Variants in KNG1 observed in about 807,000 individuals in gnomAD.
The protein encoded by KNG1 is kininogen 1.
A neutral mutation model predicts 47.8 loss-of-function variants in KNG1; 23 were observed. The ratio of observed to expected loss-of-function variants is 0.48; its 90% CI spans 0.35 to 0.68. The LOEUF is 0.68. Ranked by LOEUF, KNG1 falls within the 30% of genes least tolerant of loss-of-function variation. The probability of loss-of-function intolerance (pLI) is 0.01; values close to 1 mark genes in which losing one functional copy is unlikely to be tolerated. For synonymous variants in KNG1, 277 were observed against 277.0 expected (o/e 1.00, Z 0.00); for missense variants, 762 against 790.2 (o/e 0.96, Z 0.43).
chr3:186,731,714 T>C, intron 6 of KNG1, 85 bp downstream of exon 6: 1 of 851,122 alleles, frequency 1.2e-6, no homozygotes, highest in Non-Finnish European at 2.0e-6. Context: ...AGTTGGGTTT[T>C]GGTTCCCGTG....
rs779459366 is a variant in KNG1, at chr3:186,717,527, G to A, written c.-16G>A. Reference sequence around the variant, plus strand: ...GTGAAACCATCCCTCAGCTCCTAGAGGGAGATTGTTAGATCATGAAACTAA... The same window carrying A: ...GTGAAACCATCCCTCAGCTCCTAGAAGGAGATTGTTAGATCATGAAACTAA... On this transcript the variant is annotated 5_prime_UTR_variant, in exon 1 of 10. Coordinates refer to ENST00000644859, the MANE Select transcript of KNG1 (RefSeq NM_001102416.3). The A allele has an allele frequency of 1.9e-6, 3 of 1,590,460 alleles. No homozygotes were observed. Among genetic ancestry groups the A allele is most frequent in the Admixed American group, 1.7e-5 (1 of 59,960 alleles).
At chr3:186,725,050 G>C (rs759734487) in intron 3 of KNG1, 38 bp from the exon 4 acceptor site, 5 of 1,610,518 alleles carry the variant, frequency 3.1e-6, no homozygotes, top group Non-Finnish European at 4.2e-6. Context: ...TGCTGATTGC[G>C]ATCATTAATG....
chr3:186,728,215 C>G lies in KNG1; in HGVS notation c.672+871C>G, dbSNP rs1010101971. ...TAGTAGCTAGCGAATGTTAAGATGG[C>G]GAAGACATGATATGTGCCCAGGGAT... On this transcript the variant is annotated intron_variant, in intron 5 of 9. Coordinates refer to ENST00000644859, the MANE Select transcript of KNG1 (RefSeq NM_001102416.3). 3 of 151,930 alleles carry G rather than the reference C, an allele frequency of 2.0e-5. No homozygotes were observed. In the South Asian group the frequency reaches 6.2e-4, roughly 32 times the overall value. The allele number at this position is 151,930 out of a possible 1,614,324, so 9.4% of individuals were successfully genotyped here. A position where few individuals can be genotyped will look rare whatever the true frequency, so the allele number is the denominator to read the frequency against.
chr3:186,733,079 C>G (rs1720580031), intron 7 of KNG1, among the ~76,000 whole-genome samples: 1 of 152,074 alleles, frequency 6.6e-6, no homozygotes, highest in African/African-American at 2.4e-5. Flanking sequence ...AACCCTGTCT[C>G]TACTAAAAAT....
chr3:186,738,423 C>A (rs1720720298), intron 7 of KNG1: 1 of 152,184 alleles, frequency 6.6e-6, no homozygotes, highest in Non-Finnish European at 1.5e-5. Flanking sequence ...GACAATAAGG[C>A]ATATTTAAAA....
intron 4 of KNG1, among the ~76,000 whole-genome samples, chr3:186,725,543 A>ATTTTTTTTTCTTTTTT (rs1720337501): frequency 1.1e-5 from 1 of 87,726 alleles, no homozygotes; most frequent in South Asian, 4.0e-4. Flanking sequence ...CGGCCTTAGG[A>ATTTTTTTTTCTTTTTT]TTTTTTTTTT....
rs139525303 is a variant in KNG1 at position 186,727,250 on chromosome 3, T to C, written c.578T>C (p.Leu193Ser). 3 of 1,611,942 alleles carry C rather than the reference T, an allele frequency of 1.9e-6. No homozygotes were observed. The highest frequency in any genetic ancestry group is 2.5e-6 in the Non-Finnish European group (3 of 1,178,114). Residue 193 changes from leucine to serine, a missense_variant, in exon 5 of 10, where the codon TTG becomes TCG. Leu to Ser is a moderately radical substitution (Grantham distance 145, BLOSUM62 -2). Transcript: ENST00000644859. ...KRAQRQVVAG[L>S]NFRITYSIVQ... ...AAATTGTTTCAGGTGGTGGCTGGAT[T>C]GAACTTTCGAATTACCTACTCAATT...
At chr3:186,733,203 G>A (rs985008632) in intron 7 of KNG1, among the ~76,000 whole-genome samples, 4 of 151,928 alleles carry the variant, frequency 2.6e-5, no homozygotes, top group South Asian at 2.1e-4. Flanking sequence ...CCGAGATTGC[G>A]CCACTGCACT....
At chr3:186,725,420 T>C (rs930657590) in intron 4 of KNG1, among the ~76,000 whole-genome samples, 160 bp downstream of exon 4, 1 of 152,062 alleles carries the variant, frequency 6.6e-6, no homozygotes, top group Non-Finnish European at 1.5e-5. Flanking sequence ...GTGCAATATG[T>C]AAAGTGAGAA....
intron 9 of KNG1, among the ~76,000 whole-genome samples, chr3:186,740,782 C>T (rs1474437067): frequency 1.3e-5 from 2 of 152,080 alleles, no homozygotes; most frequent in Non-Finnish European, 2.9e-5. Flanking sequence ...GTTCATAAAG[C>T]CACTTAGGGC....
chr3:186,727,348 A>G lies in KNG1; in HGVS notation c.672+4A>G. Reference sequence around the variant, plus strand: ...CTGCAAGTCCCTTTGGAATGGTGTAAGTAGGCAAAAATTTAATGATAAAGT... The same window carrying G: ...CTGCAAGTCCCTTTGGAATGGTGTAGGTAGGCAAAAATTTAATGATAAAGT... On this transcript the variant is annotated splice_donor_region_variant and intron_variant, in intron 5 of 9. Transcript: ENST00000644859. 2 of 1,537,178 alleles carry G rather than the reference A, an allele frequency of 1.3e-6. No individual in the cohort carries two copies. The highest frequency in any genetic ancestry group is 1.8e-6 in the Non-Finnish European group (2 of 1,110,092).
intron 5 of KNG1, among the ~76,000 whole-genome samples, chr3:186,730,391 C>T (rs73063431): frequency 0.028 from 4,195 of 151,630 alleles, 186 homozygotes; most frequent in African/African-American, 0.097. Flanking sequence ...TGGCCGGGCA[C>T]GGTAGCTCAT....
chr3:186,723,717 C>T (rs886763792), intron 3 of KNG1, among the ~76,000 whole-genome samples: 3 of 151,766 alleles, frequency 2.0e-5, no homozygotes, highest in South Asian at 2.1e-4. Context: ...TGCAGTGGCA[C>T]GATCTAGGCT....
In KNG1 at chr3:186,741,747, C is replaced by A; in HGVS notation, c.1351C>A (p.Gln451Lys). Reference sequence around the variant, plus strand: ...CCATGGCCATAAACATGAACGTGACCAAGGGCATGGGCACCAAAGAGGACA... The same window carrying A: ...CCATGGCCATAAACATGAACGTGACAAAGGGCATGGGCACCAAAGAGGACA... ...LGHGHKHERDQGHGHQRGHGL... is the reference protein window; with the variant it reads ...LGHGHKHERDKGHGHQRGHGL... Residue 451 changes from glutamine to lysine, a missense_variant, in exon 10 of 10, where the codon CAA (glutamine) becomes AAA (lysine). Physicochemically the swap from Gln to Lys is moderately conservative, Grantham distance 53 (BLOSUM62 1). Coordinates refer to ENST00000644859, the MANE Select transcript of KNG1 (RefSeq NM_001102416.3). The A allele has an allele frequency of 3.1e-6, 5 of 1,614,168 alleles. No homozygotes were observed. The highest frequency in any genetic ancestry group is 4.2e-6 in the Non-Finnish European group (5 of 1,180,042).
rs376341903 is a variant in KNG1 at position 186,742,097 on chromosome 3, T to A, written c.1701T>A (p.Asp567Glu). 6.2e-7 allele frequency: 1 copy of A among 1,613,944 alleles called. No individual in the cohort carries two copies. The highest frequency in any genetic ancestry group is 8.5e-7 in the Non-Finnish European group (1 of 1,179,986). The change falls in exon 10 of 10, where the codon GAT becomes GAA. Residue 567 changes from aspartate (D) to glutamate (E), a missense_variant. Physicochemically the swap from Asp to Glu is conservative, Grantham distance 45 (BLOSUM62 2). Transcript: ENST00000644859. Reference sequence around the variant, plus strand: ...CCTTTTCTGACTTTCAGGACTCTGATCTCATTGCAACTATGATGCCTCCTA... The same window carrying A: ...CCTTTTCTGACTTTCAGGACTCTGAACTCATTGCAACTATGATGCCTCCTA... Reference protein sequence around the residue: ...TVTFSDFQDSDLIATMMPPIS... With the variant: ...TVTFSDFQDSELIATMMPPIS...
At chr3:186,722,618 G>C in intron 3 of KNG1, 97 bp downstream of exon 3, 1 of 977,004 alleles carries the variant, frequency 1.0e-6, no homozygotes, top group Non-Finnish European at 1.6e-6. Context: ...GCTCCCAGAG[G>C]GTGGCAGTAG....
At chr3:186,740,778 A>AT (rs1184530049) in intron 9 of KNG1, among the ~76,000 whole-genome samples, 2 of 152,222 alleles carry the variant, frequency 1.3e-5, no homozygotes, top group Admixed American at 1.3e-4. Flanking sequence ...TTCAGTTCAT[A>AT]AAGCCACTTA....
At position 186,742,505 on chromosome 3, in the gene KNG1, C is replaced by T. The variant is rs564957473; in HGVS notation, c.*174C>T. 7.0e-7 allele frequency: 1 copy of T among 1,436,914 alleles called. No individual in the cohort carries two copies. Among genetic ancestry groups the T allele is most frequent in the South Asian group, 1.5e-5 (1 of 66,612 alleles). The allele number at this position is 1,436,914 out of a possible 1,614,324, so 89.0% of individuals were successfully genotyped here. ...AGACACCATCAGTCTCCACGGACTG[C>T]ATAAAATTGTGTGCCACAATTCTAA... On this transcript the variant is annotated 3_prime_UTR_variant, in exon 10 of 10. Coordinates refer to ENST00000644859, the MANE Select transcript of KNG1 (RefSeq NM_001102416.3).
rs750334448 is a variant in KNG1 at position 186,717,611 on chromosome 3, C to G, written c.69C>G (p.Ser23=). Residue 23 remains serine, a synonymous_variant, in exon 1 of 10, where the codon TCC becomes TCG. Transcript: ENST00000644859. ...LLLSLTQESQ[S]EEIDCNDKDL... is the part of the protein sequence containing the mutation. ...TAAGTTTAACCCAGGAATCACAGTCCGAGGAAATTGACTGCAATGACAAGG... is the reference window on the plus strand; with the variant it reads ...TAAGTTTAACCCAGGAATCACAGTCGGAGGAAATTGACTGCAATGACAAGG... 4.1e-5 allele frequency: 66 copies of G among 1,612,516 alleles called. No individual in the cohort carries two copies. The highest frequency in any genetic ancestry group is 1.7e-5 in the Non-Finnish European group (20 of 1,179,216).
Sources: gnomAD v4.1 joint callset for allele counts (sites outside exome capture counted in the v4.1 genomes callset) on GRCh38, gnomAD v4.1.1 for gene constraint, MANE v1.5 for transcripts, NCBI Gene and HGNC (gene_info 2026-07-23, HGNC 2026-07-21) for gene names.